The following MARCHF1 variants were observed in gnomAD, a reference collection of about 807,000 sequenced individuals.
The protein encoded by MARCHF1 is membrane associated ring-CH-type finger 1, also known as E3 ubiquitin-protein ligase MARCHF1.
Under a neutral mutation model 54.2 loss-of-function variants are expected in MARCHF1, and 40 were observed. That is an observed-to-expected ratio of 0.74 (90% CI 0.57 to 0.96). The LOEUF (loss-of-function observed/expected upper bound fraction) is 0.96, where lower values mean the gene tolerates loss of function less well. MARCHF1 is among the 40% of genes least tolerant of loss of function. MARCHF1 has a pLI of 0.00. For missense variants in MARCHF1, 586 were observed against 656.5 expected (o/e 0.89, Z 1.17); for synonymous variants, 236 against 236.3 (o/e 1.00, Z 0.01).
At chr4:164,026,786 A>T (rs898696260) in intron 2 of MARCHF1, among the ~76,000 whole-genome samples, 1 of 152,058 alleles carries the variant, frequency 6.6e-6, no homozygotes, top group African/African-American at 2.4e-5. Context: ...AGGAAAAAAA[A>T]AGTAGTAAAA....
chr4:163,571,826 G>T (rs575717811), intron 8 of MARCHF1, among the ~76,000 whole-genome samples: 1 of 152,054 alleles, frequency 6.6e-6, no homozygotes, highest in South Asian at 2.1e-4. Context: ...TCTTTTCTTA[G>T]GGTCAAAAGT....
At chr4:164,141,652 C>T (rs1756538563) in intron 1 of MARCHF1, among the ~76,000 whole-genome samples, 1 of 152,238 alleles carries the variant, frequency 6.6e-6, no homozygotes, top group Admixed American at 6.5e-5. Flanking sequence ...GGGAAAATGG[C>T]AACTTGGTAA....
intron 5 of MARCHF1, among the ~76,000 whole-genome samples, chr4:163,671,599 G>A (rs1743738732): frequency 6.6e-6 from 1 of 152,226 alleles, no homozygotes; most frequent in African/African-American, 2.4e-5. Flanking sequence ...CTAACCAGGT[G>A]CCATTTTTTC....
chr4:163,698,583 T>C, intron 5 of MARCHF1, among the ~76,000 whole-genome samples: 1 of 152,114 alleles, frequency 6.6e-6, no homozygotes, highest in African/African-American at 2.4e-5. Flanking sequence ...TAATTAATTG[T>C]CTCCCACACA....
At chr4:164,025,413 A>C (rs754492318) in intron 2 of MARCHF1, among the ~76,000 whole-genome samples, 5 of 152,048 alleles carry the variant, frequency 3.3e-5, no homozygotes, top group South Asian at 4.1e-4. Context: ...AAAAATAAAA[A>C]CAGAAATTAC....
chr4:164,335,286 C>A (rs961860430), intron 1 of MARCHF1, among the ~76,000 whole-genome samples: 1 of 152,078 alleles, frequency 6.6e-6, no homozygotes, highest in Non-Finnish European at 1.5e-5. Flanking sequence ...AATTCATTGT[C>A]GTATTTAAGA....
intron 3 of MARCHF1, among the ~76,000 whole-genome samples, chr4:163,943,747 T>C (rs1388494661): frequency 2.1e-5 from 1 of 47,364 alleles, no homozygotes; most frequent in Non-Finnish European, 4.1e-5. Flanking sequence ...AAAATAGAAG[T>C]TAAAAAAAAA....
At chr4:163,729,490 T>A (rs938201975) in intron 4 of MARCHF1, among the ~76,000 whole-genome samples, 6 of 152,138 alleles carry the variant, frequency 3.9e-5, no homozygotes, top group African/African-American at 1.4e-4. Context: ...TTTTGCTTAA[T>A]GTCTTAGAAA....
intron 5 of MARCHF1, among the ~76,000 whole-genome samples, chr4:163,639,122 G>C (rs1742461875): frequency 6.6e-6 from 1 of 152,116 alleles, no homozygotes; most frequent in East Asian, 1.9e-4. Context: ...ACACAACAAT[G>C]TGAATGTACT....
At chr4:163,864,951 CAT>C (rs947254998) in intron 3 of MARCHF1, among the ~76,000 whole-genome samples, 1 of 151,780 alleles carries the variant, frequency 6.6e-6, no homozygotes, top group African/African-American at 2.4e-5. Flanking sequence ...GGAAGAAAAA[CAT>C]ATATCACTGA....
intron 1 of MARCHF1, among the ~76,000 whole-genome samples, chr4:164,266,373 A>G (rs556731519): frequency 7.9e-5 from 12 of 152,340 alleles, no homozygotes; most frequent in African/African-American, 2.6e-4. Context: ...AAAACATTAA[A>G]CACGATTGAA....
At chr4:163,699,328 A>G (rs536902778) in intron 5 of MARCHF1, among the ~76,000 whole-genome samples, 1 of 152,226 alleles carries the variant, frequency 6.6e-6, no homozygotes, top group African/African-American at 2.4e-5. Flanking sequence ...TGGTCTCCCT[A>G]TGGAGGAATG....
chr4:164,074,932 T>C (rs1368709828), intron 2 of MARCHF1, among the ~76,000 whole-genome samples: 1 of 151,598 alleles, frequency 6.6e-6, no homozygotes, highest in Admixed American at 6.6e-5. Context: ...AAATATAATT[T>C]CTTATAAAAA....
At chr4:163,543,652 TA>T (rs1738797215) in intron 9 of MARCHF1, among the ~76,000 whole-genome samples, 1 of 152,078 alleles carries the variant, frequency 6.6e-6, no homozygotes, top group African/African-American at 2.4e-5. Context: ...TTTTTGGAGA[TA>T]TTTTTGTGGC....
intron 8 of MARCHF1, among the ~76,000 whole-genome samples, chr4:163,578,127 T>C (rs181776093): frequency 2.0e-5 from 3 of 152,144 alleles, no homozygotes; most frequent in East Asian, 3.9e-4. Context: ...ATTTTAAACA[T>C]AGTTTATGTT....
At chr4:164,189,269 C>T in intron 1 of MARCHF1, 1 of 587,746 alleles carries the variant, frequency 1.7e-6, no homozygotes, top group Non-Finnish European at 3.1e-6. Context: ...GCCAGATGGG[C>T]CCTGTCTCCT....
intron 3 of MARCHF1, among the ~76,000 whole-genome samples, chr4:163,961,341 C>A (rs1411798626): frequency 2.6e-5 from 4 of 151,980 alleles, no homozygotes; most frequent in Admixed American, 2.6e-4. Flanking sequence ...AAAATTAACA[C>A]ATATGACATT....
chr4:164,202,027 T>C (rs988256762), intron 1 of MARCHF1, among the ~76,000 whole-genome samples: 35 of 152,346 alleles, frequency 2.3e-4, no homozygotes, highest in Middle Eastern at 6.8e-3. Flanking sequence ...AGGGCTATAG[T>C]AGCGAATGAA....
intron 3 of MARCHF1, among the ~76,000 whole-genome samples, chr4:163,955,319 A>C (rs116252154): frequency 2.0e-5 from 3 of 149,894 alleles, no homozygotes; most frequent in Non-Finnish European, 3.0e-5. Flanking sequence ...GCTCTCTCAC[A>C]TAATAGAGGA....
Sources: allele counts gnomAD v4.1 joint callset (sites outside exome capture counted in the v4.1 genomes callset), GRCh38; gene constraint gnomAD v4.1.1; transcripts MANE v1.5; gene names NCBI Gene and HGNC (gene_info 2026-07-23, HGNC 2026-07-21).